HLCS: variants seen among roughly 807,000 people sequenced by gnomAD.
The protein encoded by HLCS is biotin--protein ligase.
In HLCS, 53 loss-of-function variants were observed where a neutral mutation model predicts 75.0. The ratio of observed to expected loss-of-function variants is 0.71; its 90% CI spans 0.57 to 0.89. The LOEUF (loss-of-function observed/expected upper bound fraction) is 0.89. Ranked by LOEUF, HLCS falls within the 40% of genes least tolerant of loss-of-function variation. The pLI is 0.00. For missense variants in HLCS, 966 were observed against 1,074.0 expected (o/e 0.90, Z 1.41); for synonymous variants, 431 against 428.6 (o/e 1.01, Z -0.07).
At chr21:36,768,610 A>AGCTGCTGAGATAGCTGTCTTCCCACACG (rs2090125544) in intron 6 of HLCS, among the ~76,000 whole-genome samples, 1 of 152,246 alleles carries the variant, frequency 6.6e-6, no homozygotes. Flanking sequence ...GCAGGGGCTC[A>AGCTGCTGAGATAGCTGTCTTCCCACACG]GCTGCTGAGA....
In HLCS at chr21:36,936,622, C is replaced by T; in HGVS notation, c.1264G>A (p.Ala422Thr). 1 of 1,614,212 alleles carries T rather than the reference C, an allele frequency of 6.2e-7. No individual in the cohort carries two copies. The highest frequency in any genetic ancestry group is 1.7e-5 in the Admixed American group (1 of 60,030). ...CTGAGCTTCACCTCGCTCTGGTCAG[C>T]CTTGGAGAAAACCAAGTTCTGGACT... ...KTVQNLVFSKADQSEVKLSVL... is the reference protein window; with the variant it reads ...KTVQNLVFSKTDQSEVKLSVL... Residue 422 changes from alanine to threonine, a missense_variant, in exon 4 of 11, where the codon GCT becomes ACT. Ala to Thr is a moderately conservative substitution (Grantham distance 58). Coordinates refer to ENST00000674895, the MANE Select transcript of HLCS (RefSeq NM_001352514.2).
At chr21:36,949,497 A>G (rs897145555) in intron 2 of HLCS, among the ~76,000 whole-genome samples, 1 of 152,210 alleles carries the variant, frequency 6.6e-6, no homozygotes, top group African/African-American at 2.4e-5. Flanking sequence ...GGAGGCTCCA[A>G]GGTTTCTCAT....
At chr21:36,960,141 C>CA (rs1449727124) in intron 2 of HLCS, among the ~76,000 whole-genome samples, 2 of 116,858 alleles carry the variant, frequency 1.7e-5, no homozygotes, top group East Asian at 3.2e-4. Context: ...ACCCCCCCCC[C>CA]CCCCGACCCT....
intron 6 of HLCS, among the ~76,000 whole-genome samples, chr21:36,771,483 C>T (rs959627855): frequency 2.6e-5 from 4 of 152,094 alleles, no homozygotes; most frequent in Non-Finnish European, 5.9e-5. Context: ...AATTCAGGGG[C>T]TCAACTGTTC....
At chr21:36,779,943 T>C (rs563444694) in intron 6 of HLCS, among the ~76,000 whole-genome samples, 5 of 152,320 alleles carry the variant, frequency 3.3e-5, no homozygotes, top group Admixed American at 6.5e-5. Flanking sequence ...CTCCACCTCC[T>C]TTCTGTAAAC....
At chr21:36,855,378 A>T (rs1350710027) in intron 6 of HLCS, among the ~76,000 whole-genome samples, 1 of 134,362 alleles carries the variant, frequency 7.4e-6, no homozygotes, top group African/African-American at 3.2e-5. Context: ...TAAAAATAAA[A>T]AAAAAAAAAA....
chr21:36,984,208 A>G (rs1482667003), intron 1 of HLCS, among the ~76,000 whole-genome samples: 1 of 78,598 alleles, frequency 1.3e-5, no homozygotes, highest in Admixed American at 1.7e-4. Flanking sequence ...ACTGTGGTAG[A>G]GTAGTCCCCC....
chr21:36,856,080 G>A (rs898878320), intron 6 of HLCS, among the ~76,000 whole-genome samples: 10 of 152,250 alleles, frequency 6.6e-5, no homozygotes, highest in Admixed American at 4.6e-4. Context: ...GCAGGGGGAA[G>A]GGGAGTGACT....
chr21:36,931,893 C>A (rs2146500920), intron 4 of HLCS, among the ~76,000 whole-genome samples: 1 of 152,310 alleles, frequency 6.6e-6, no homozygotes, highest in East Asian at 1.9e-4. Flanking sequence ...GTCTGTGGGT[C>A]CGTACGCTCT....
intron 10 of HLCS, 91 bp from the exon 11 acceptor site, chr21:36,754,508 G>A: frequency 1.5e-6 from 2 of 1,368,340 alleles, no homozygotes; most frequent in East Asian, 2.4e-5. Context: ...TGAGAGAGCT[G>A]GGCGTGCTGG....
rs772486641 is a variant in HLCS at position 36,754,408 on chromosome 21, T to G, written c.2460A>C (p.Gln820His). The G allele has an allele frequency of 1.4e-5, 23 of 1,612,564 alleles. No individual in the cohort carries two copies. The highest frequency in any genetic ancestry group is 3.3e-5 in the Admixed American group (2 of 59,984). Residue 820 changes from glutamine to histidine, a missense_variant, in exon 11 of 11, where the codon CAA becomes CAC. By Grantham distance (24) the Gln-to-His change is conservative. Coordinates refer to ENST00000674895, the MANE Select transcript of HLCS (RefSeq NM_001352514.2). ...GTCCCTCTGCGCTGCCCAGATGGAC[T>G]TGCTGACCACTGAAAAGGAAGAACA... ...YYRYWVHSGQ[Q>H]VHLGSAEGPK...
intron 6 of HLCS, among the ~76,000 whole-genome samples, chr21:36,881,350 C>G (rs1193973801): frequency 6.6e-6 from 1 of 152,196 alleles, no homozygotes; most frequent in Non-Finnish European, 1.5e-5. Flanking sequence ...CACCCCCACT[C>G]CCACCCCAGG....
chr21:36,764,654 G>C (rs938221778), intron 8 of HLCS, among the ~76,000 whole-genome samples: 1 of 152,166 alleles, frequency 6.6e-6, no homozygotes. Context: ...GCAGTGAGCC[G>C]AGATAGTGCC....
chr21:36,874,554 CTTAAAG>C (rs959535211), intron 6 of HLCS, among the ~76,000 whole-genome samples: 5 of 152,178 alleles, frequency 3.3e-5, no homozygotes, highest in Non-Finnish European at 7.3e-5. Context: ...TATAGTAAGT[CTTAAAG>C]TTAAGTAGTA....
At chr21:36,787,646 C>T (rs2060730533) in intron 6 of HLCS, among the ~76,000 whole-genome samples, 1 of 152,184 alleles carries the variant, frequency 6.6e-6, no homozygotes. Flanking sequence ...GAGGAGGCGG[C>T]ACCTATATTC....
chr21:36,877,653 T>C (rs1225409798), intron 6 of HLCS, among the ~76,000 whole-genome samples: 1 of 152,166 alleles, frequency 6.6e-6, no homozygotes, highest in Non-Finnish European at 1.5e-5. Flanking sequence ...GGGAGTATTT[T>C]AAATTTACCC....
intron 5 of HLCS, among the ~76,000 whole-genome samples, chr21:36,914,038 G>A (rs1010195621): frequency 2.0e-5 from 3 of 152,182 alleles, no homozygotes; most frequent in Non-Finnish European, 4.4e-5. Flanking sequence ...AGGAGCAAGA[G>A]GGGGAGCTGC....
chr21:36,897,809 C>A (rs890964056), intron 5 of HLCS, among the ~76,000 whole-genome samples: 1 of 152,170 alleles, frequency 6.6e-6, no homozygotes, highest in Non-Finnish European at 1.5e-5. Flanking sequence ...TCTACTCTAT[C>A]CCCAAAACCA....
rs115140199 is a variant in HLCS at position 36,902,352 on chromosome 21, G to A, written c.1621-5221C>T. Among the ~76,000 whole-genome samples the A allele has an allele frequency of 4.2e-3, 638 of 152,312 alleles. 5 individuals are homozygous for A. Among genetic ancestry groups the A allele is most frequent in the African/African-American group, 0.014 (586 of 41,562 alleles). On this transcript the variant is annotated intron_variant, in intron 5 of 10. Transcript: ENST00000674895. ...GAATCCAAAGGGCCAAGTGGGGTGG[G>A]ACCTAGCACAGAAGCAGAAAGGTCA...
Sources: allele counts gnomAD v4.1 joint callset (sites outside exome capture counted in the v4.1 genomes callset), GRCh38; gene constraint gnomAD v4.1.1; transcripts MANE v1.5; gene names NCBI Gene and HGNC (gene_info 2026-07-23, HGNC 2026-07-21).